Variants in GRIK3 observed in about 807,000 individuals in gnomAD.
The protein encoded by GRIK3 is glutamate receptor ionotropic, kainate 3.
GRIK3 carries 29 observed loss-of-function variants against 102.5 expected under a neutral mutation model. That is an observed-to-expected ratio of 0.28 (90% CI 0.21 to 0.39). GRIK3 has a LOEUF of 0.39. GRIK3 is among the 10% of genes least tolerant of loss of function. The pLI is 1.00. For missense variants in GRIK3, 908 were observed against 1,252.4 expected (o/e 0.73, Z 4.15); for synonymous variants, 511 against 504.9 (o/e 1.01, Z -0.16).
chr1:36,875,664 C>A (rs1640905522), intron 3 of GRIK3, among the ~76,000 whole-genome samples: 1 of 152,192 alleles, frequency 6.6e-6, no homozygotes, highest in South Asian at 2.1e-4. Context: ...CAAGGCCAGC[C>A]TAGATCAACC....
intron 10 of GRIK3, 123 bp downstream of exon 10, chr1:36,841,613 C>T (rs1233432276): frequency 1.3e-6 from 1 of 795,986 alleles, no homozygotes; most frequent in Admixed American, 2.1e-5. Flanking sequence ...TTGCAGCATT[C>T]ATCTCCATCA....
intron 2 of GRIK3, among the ~76,000 whole-genome samples, chr1:36,888,594 T>C (rs1026211812): frequency 1.3e-5 from 2 of 152,208 alleles, no homozygotes; most frequent in Non-Finnish European, 2.9e-5. Context: ...CACTAGATTA[T>C]AAGCTCCATG....
intron 13 of GRIK3, among the ~76,000 whole-genome samples, chr1:36,810,571 G>C (rs1179151918): frequency 6.6e-6 from 1 of 152,214 alleles, no homozygotes; most frequent in Non-Finnish European, 1.5e-5. Context: ...GAGAATGTAT[G>C]TAAGTCTATA....
At position 36,880,869 on chromosome 1, in the gene GRIK3, G is replaced by A. The variant is rs140224218; in HGVS notation, c.315C>T (p.Gly105=). The part of the protein sequence containing the change: ...TKKACDQLAL[G]VVAIFGPSQG... ...GTGATGGGCCGAAGATCGCCACCAC[G>A]CCCAGTGCCAGCTGGTCACAGGCTG... is the stretch of plus-strand genomic sequence containing the variant. The change falls in exon 3 of 16, where the codon GGC becomes GGT. Residue 105 remains glycine (G), a synonymous_variant. Coordinates refer to ENST00000373091, the MANE Select transcript of GRIK3 (RefSeq NM_000831.4). This position sits in a 1 kb window ranked among gnomAD's most constrained non-coding sequence, Gnocchi z 5.4. The A allele has an allele frequency of 2.4e-5, 39 of 1,610,238 alleles. No homozygotes were observed. In the African/African-American group the frequency reaches 2.7e-4, roughly 11 times the overall value.
chr1:37,028,192 A>G (rs577772297), intron 1 of GRIK3, among the ~76,000 whole-genome samples: 75 of 152,194 alleles, frequency 4.9e-4, no homozygotes, highest in African/African-American at 1.5e-3. Context: ...CTGGGTGAGG[A>G]GGATGGAGGT....
At chr1:36,908,134 C>T (rs1003277656) in intron 1 of GRIK3, among the ~76,000 whole-genome samples, 4 of 152,204 alleles carry the variant, frequency 2.6e-5, no homozygotes, top group African/African-American at 7.2e-5. Flanking sequence ...TGCCCAACTC[C>T]GTCCTCTTCC....
chr1:37,033,208 G>A (rs1000314967), intron 1 of GRIK3, among the ~76,000 whole-genome samples: 1 of 152,224 alleles, frequency 6.6e-6, no homozygotes, highest in Admixed American at 6.5e-5. Flanking sequence ...CGGAGAAGCC[G>A]GAGCCCCGGA....
intron 2 of GRIK3, among the ~76,000 whole-genome samples, chr1:36,885,966 T>C (rs1237035991): frequency 6.6e-6 from 1 of 152,178 alleles, no homozygotes; most frequent in East Asian, 1.9e-4. Flanking sequence ...CCAATCAATT[T>C]GTGTCTTAAA....
At chr1:36,967,269 G>C (rs1357639531) in intron 1 of GRIK3, among the ~76,000 whole-genome samples, 1 of 152,216 alleles carries the variant, frequency 6.6e-6, no homozygotes, top group African/African-American at 2.4e-5. Context: ...GCTGAGACCA[G>C]GGGGTATGTG....
intron 1 of GRIK3, among the ~76,000 whole-genome samples, chr1:36,960,410 C>T (rs912322760): frequency 6.6e-5 from 10 of 152,212 alleles, no homozygotes; most frequent in East Asian, 5.8e-4. Context: ...CGGTATTTAA[C>T]GCAGTACTTG....
intron 1 of GRIK3, among the ~76,000 whole-genome samples, chr1:36,997,424 G>A (rs913524208): frequency 8.5e-5 from 13 of 152,228 alleles, no homozygotes; most frequent in East Asian, 3.9e-4. Flanking sequence ...GCAAACACTC[G>A]CAGTTGTTAA....
intron 1 of GRIK3, among the ~76,000 whole-genome samples, chr1:36,969,440 C>G (rs1039419587): frequency 2.6e-5 from 4 of 152,222 alleles, no homozygotes; most frequent in African/African-American, 9.6e-5. Flanking sequence ...AATTAACTGC[C>G]TCCCAACACA....
At position 36,801,752 on chromosome 1, in the gene GRIK3, G is replaced by T; in HGVS notation, c.*99C>A. 1 of 1,046,798 alleles carries T rather than the reference G, an allele frequency of 9.6e-7. No individual in the cohort carries two copies. Among genetic ancestry groups the T allele is most frequent in the East Asian group, 2.7e-5 (1 of 37,200 alleles). The allele number at this position is 1,046,798 out of a possible 1,614,324, so 64.8% of individuals were successfully genotyped here. A position where few individuals can be genotyped will look rare whatever the true frequency, so the allele number is the denominator to read the frequency against. On this transcript the variant is annotated 3_prime_UTR_variant, in exon 16 of 16. Coordinates refer to ENST00000373091, the MANE Select transcript of GRIK3 (RefSeq NM_000831.4). ...GGCCCAACAGGCAGGTGGCAGCTCTGGTCCCCAAGCCCAGTGCGGGGACAG... is the reference window on the plus strand; with the variant it reads ...GGCCCAACAGGCAGGTGGCAGCTCTTGTCCCCAAGCCCAGTGCGGGGACAG...
intron 1 of GRIK3, among the ~76,000 whole-genome samples, chr1:37,009,791 T>C (rs1359346008): frequency 6.6e-6 from 1 of 152,082 alleles, no homozygotes; most frequent in Non-Finnish European, 1.5e-5. Flanking sequence ...TGGGCTGGAC[T>C]GAAGTAGGGA....
intron 1 of GRIK3, among the ~76,000 whole-genome samples, chr1:37,018,444 A>G (rs1418218803): frequency 6.6e-6 from 1 of 152,186 alleles, no homozygotes; most frequent in Non-Finnish European, 1.5e-5. Context: ...CAACCCTTAG[A>G]GATTTACAGA....
intron 1 of GRIK3, among the ~76,000 whole-genome samples, chr1:36,912,497 C>A (rs547018373): frequency 1.3e-5 from 2 of 152,004 alleles, no homozygotes; most frequent in Non-Finnish European, 2.9e-5. Context: ...CCCTGCTTAC[C>A]GGTCTCTCTT....
At chr1:36,904,608 C>A (rs913709442) in intron 1 of GRIK3, among the ~76,000 whole-genome samples, 2 of 152,044 alleles carry the variant, frequency 1.3e-5, no homozygotes, top group African/African-American at 4.8e-5. Context: ...ATAGAAACAG[C>A]TTAATGTCCA....
rs563781677 is a variant in GRIK3, at chr1:36,841,376, T to C, written c.1530+360A>G. Among the ~76,000 whole-genome samples, 73 of 152,308 alleles carry C rather than the reference T, an allele frequency of 4.8e-4. 1 individual carries two copies. The highest frequency in any genetic ancestry group is 4.3e-3 in the Admixed American group (66 of 15,310). ...TGTCTCATGTGGGTGCCTTGCCCCA[T>C]AGCTGGGGCATCCTCTGGTGGTTTT... On this transcript the variant is annotated intron_variant, in intron 10 of 15. Transcript: ENST00000373091.
At chr1:36,994,991 CAT>C (rs1642404927) in intron 1 of GRIK3, among the ~76,000 whole-genome samples, 1 of 152,134 alleles carries the variant, frequency 6.6e-6, no homozygotes, top group Non-Finnish European at 1.5e-5. Flanking sequence ...AGAGCTCACA[CAT>C]GAGACGGACA....
Sources: gnomAD v4.1 joint callset for allele counts (sites outside exome capture counted in the v4.1 genomes callset) on GRCh38, gnomAD v4.1.1 for gene constraint, Gnocchi (gnomAD v3.1) non-coding constraint, MANE v1.5 for transcripts, NCBI Gene and HGNC (gene_info 2026-07-23, HGNC 2026-07-21) for gene names.